AKT3: variants seen among roughly 807,000 people sequenced by gnomAD.
AKT3 encodes RAC-gamma serine/threonine-protein kinase.
In AKT3, 15 loss-of-function variants were observed where a neutral mutation model predicts 65.3. That is an observed-to-expected ratio of 0.23 (90% CI 0.15 to 0.35). AKT3 has a LOEUF of 0.35. Ranked by LOEUF, AKT3 falls within the 10% of genes least tolerant of loss-of-function variation. The pLI is 1.00. For synonymous variants in AKT3, 206 were observed against 183.8 expected (o/e 1.12, Z -0.98); for missense variants, 243 against 576.5 (o/e 0.42, Z 5.92).
chr1:243,836,693 C>A (rs953855950), intron 2 of AKT3, among the ~76,000 whole-genome samples: 1 of 151,730 alleles, frequency 6.6e-6, no homozygotes. Context: ...GGTGGATCAC[C>A]TGAGGTCAGG....
chr1:243,512,667 A>G (rs1021070205), intron 12 of AKT3, among the ~76,000 whole-genome samples: 1 of 152,170 alleles, frequency 6.6e-6, no homozygotes, highest in African/African-American at 2.4e-5. Flanking sequence ...AAAACCATTG[A>G]ATAGGACGGG....
chr1:243,547,847 C>A (rs914777108), intron 11 of AKT3, among the ~76,000 whole-genome samples: 2 of 152,098 alleles, frequency 1.3e-5, no homozygotes, highest in African/African-American at 2.4e-5. Flanking sequence ...GTCTCCAACT[C>A]CCAGATCCTT....
rs538874040 is a variant in AKT3 at position 243,556,581 on chromosome 1, G to GA, written c.949-3639dup. On this transcript the variant is annotated intron_variant, in intron 10 of 13. Transcript: ENST00000673466. ...AATAATCCTGACAGAACAGATGGGGGAAAAAATTAAACATCTAAACAAACT... is the reference window on the plus strand; with the variant it reads ...AATAATCCTGACAGAACAGATGGGGGAAAAAAATTAAACATCTAAACAAACT... Among the ~76,000 whole-genome samples, 502 of 152,056 alleles carry GA rather than the reference G, an allele frequency of 3.3e-3. 4 individuals are homozygous for GA. Among genetic ancestry groups the GA allele is most frequent in the African/African-American group, 0.011 (444 of 41,486 alleles).
At chr1:243,812,406 A>G (rs921744871) in intron 2 of AKT3, among the ~76,000 whole-genome samples, 1 of 152,244 alleles carries the variant, frequency 6.6e-6, no homozygotes, top group African/African-American at 2.4e-5. Context: ...TATGCAGCCA[A>G]GAGACACATG....
chr1:243,802,866 A>C (rs1692462563), intron 2 of AKT3, among the ~76,000 whole-genome samples: 1 of 151,710 alleles, frequency 6.6e-6, no homozygotes, highest in African/African-American at 2.4e-5. Flanking sequence ...GAATTTTAAC[A>C]GGCCAGGCAC....
At chr1:243,681,926 A>G (rs1050727567) in intron 3 of AKT3, among the ~76,000 whole-genome samples, 1 of 152,046 alleles carries the variant, frequency 6.6e-6, no homozygotes, top group Admixed American at 6.6e-5. Context: ...TAAAAATGTT[A>G]ATTTTCTTCC....
intron 4 of AKT3, among the ~76,000 whole-genome samples, chr1:243,660,905 T>C (rs1682262037): frequency 6.6e-6 from 1 of 152,216 alleles, no homozygotes; most frequent in Non-Finnish European, 1.5e-5. Flanking sequence ...CAAGCATTCT[T>C]ATACACCAAC....
intron 2 of AKT3, among the ~76,000 whole-genome samples, chr1:243,837,503 T>C (rs887181024): frequency 2.0e-5 from 3 of 152,216 alleles, no homozygotes; most frequent in Non-Finnish European, 4.4e-5. Flanking sequence ...ATCAATACTC[T>C]TGTAAATGCA....
rs56334220 is a variant in AKT3 at position 243,734,366 on chromosome 1, G to T, written c.47-38650C>A. On this transcript the variant is annotated intron_variant, in intron 2 of 13. Transcript: ENST00000673466. ...CAGTCATGCATTGCTTAATGATGGG[G>T]ATACATTCTGAGAAATGCATCATTA... Among the ~76,000 whole-genome samples, 516 of 152,260 alleles carry T rather than the reference G, an allele frequency of 3.4e-3. 2 individuals are homozygous for T. The highest frequency in any genetic ancestry group is 0.012 in the African/African-American group (489 of 41,558).
At chr1:243,703,677 T>C (rs1005222839) in intron 2 of AKT3, among the ~76,000 whole-genome samples, 2 of 150,642 alleles carry the variant, frequency 1.3e-5, no homozygotes, top group African/African-American at 2.4e-5. Flanking sequence ...GGAGAATTGT[T>C]TGAACCCAGG....
intron 12 of AKT3, among the ~76,000 whole-genome samples, chr1:243,542,458 C>A (rs896433045): frequency 6.6e-6 from 1 of 152,120 alleles, no homozygotes; most frequent in Non-Finnish European, 1.5e-5. Flanking sequence ...ATCTCCTCAA[C>A]AGATGCCAGA....
chr1:243,580,964 C>T (rs1574646994), intron 8 of AKT3, among the ~76,000 whole-genome samples: 1 of 152,184 alleles, frequency 6.6e-6, no homozygotes, highest in African/African-American at 2.4e-5. Flanking sequence ...GAGTTTGAGT[C>T]ACCCCACCCC....
chr1:243,566,136 T>G (rs577914460), intron 9 of AKT3, among the ~76,000 whole-genome samples: 12 of 152,310 alleles, frequency 7.9e-5, no homozygotes, highest in African/African-American at 2.4e-4. Context: ...ATTTTTGAAG[T>G]GGCTGGATAC....
At chr1:243,816,653 A>G (rs1693540002) in intron 2 of AKT3, among the ~76,000 whole-genome samples, 1 of 152,250 alleles carries the variant, frequency 6.6e-6, no homozygotes, top group African/African-American at 2.4e-5. Context: ...ACAAAGGCAG[A>G]ACAAAAATCC....
chr1:243,619,868 T>A (rs56899668), intron 6 of AKT3, among the ~76,000 whole-genome samples: 1,710 of 98,360 alleles, frequency 0.017, 289 homozygotes, highest in African/African-American at 0.043. Context: ...GGTAGTTCTA[T>A]TTTTAGTTTT....
intron 13 of AKT3, chr1:243,488,995 G>A: frequency 6.2e-7 from 1 of 1,613,252 alleles, no homozygotes. Flanking sequence ...CTTTAATTCT[G>A]CGGTGGATTT....
intron 2 of AKT3, among the ~76,000 whole-genome samples, chr1:243,747,872 G>A (rs557748142): frequency 3.3e-5 from 5 of 152,246 alleles, no homozygotes; most frequent in South Asian, 2.1e-4. Context: ...GAATAACAAG[G>A]ATCGGTAAGA....
intron 12 of AKT3, among the ~76,000 whole-genome samples, chr1:243,518,526 G>C (rs1377482533): frequency 1.3e-5 from 2 of 152,166 alleles, no homozygotes; most frequent in East Asian, 3.9e-4. Flanking sequence ...TTGGGAGGCT[G>C]AGGCAGAAGA....
chr1:243,725,899 A>G (rs1687178270), intron 2 of AKT3, among the ~76,000 whole-genome samples: 1 of 152,142 alleles, frequency 6.6e-6, no homozygotes. Flanking sequence ...TAATAGCTAA[A>G]AAGTACACAC....
Sources: gnomAD v4.1 joint callset for allele counts (sites outside exome capture counted in the v4.1 genomes callset) on GRCh38, gnomAD v4.1.1 for gene constraint, MANE v1.5 for transcripts, NCBI Gene and HGNC (gene_info 2026-07-23, HGNC 2026-07-21) for gene names.